Variants in GLIS1 observed in about 807,000 individuals in gnomAD.
GLIS1 encodes the protein GLIS family zinc finger 1, also known as zinc finger protein GLIS1.
In GLIS1, 24 loss-of-function variants were observed where a neutral mutation model predicts 63.8. That is an observed-to-expected ratio of 0.38 (90% CI 0.27 to 0.53). The LOEUF is 0.53. Among genes scored for constraint, GLIS1 ranks in the 20% least tolerant of loss-of-function variants. The pLI, the probability that GLIS1 is intolerant of heterozygous loss-of-function variation, is 0.85. For synonymous variants in GLIS1, 450 were observed against 482.5 expected, an observed-to-expected ratio of 0.93 and a Z score of 0.88; for missense variants, 1,036 against 1,074.1, an observed-to-expected ratio of 0.96 and a Z score of 0.50.
chr1:53,706,425 G>A (rs532591062), intron 2 of GLIS1, among the ~76,000 whole-genome samples: 3 of 152,164 alleles, frequency 2.0e-5, no homozygotes, highest in Admixed American at 6.5e-5. Flanking sequence ...GAGGAAGAGG[G>A]GCTCTTTCTG....
At chr1:53,524,933 C>G (rs368487306) in intron 5 of GLIS1, 46 bp from the exon 6 acceptor site, 1 of 1,403,260 alleles carries the variant, frequency 7.1e-7, no homozygotes, top group Non-Finnish European at 1.0e-6. Flanking sequence ...CCCATCCCTA[C>G]GGGACACGCG....
chr1:53,643,540 G>A (rs563039374), intron 2 of GLIS1, among the ~76,000 whole-genome samples: 1 of 152,312 alleles, frequency 6.6e-6, no homozygotes, highest in East Asian at 1.9e-4. Flanking sequence ...ATGACCATGG[G>A]GAGGGAGCAA....
chr1:53,711,607 G>A (rs1326963945), intron 2 of GLIS1, among the ~76,000 whole-genome samples: 1 of 152,118 alleles, frequency 6.6e-6, no homozygotes, highest in East Asian at 1.9e-4. Flanking sequence ...TAGTCCTTAT[G>A]CAAGTGACTT....
intron 2 of GLIS1, among the ~76,000 whole-genome samples, chr1:53,628,571 G>C (rs1569946073): frequency 6.6e-6 from 1 of 152,248 alleles, no homozygotes; most frequent in Non-Finnish European, 1.5e-5. Context: ...AGGCGGGAGA[G>C]ACAATTATTC....
Position 53,506,636 on chromosome 1 carries a change from T to C in GLIS1, c.2371A>G (p.Ile791Val). 6.2e-7 allele frequency: 1 copy of C among 1,612,752 alleles called. No homozygotes were observed. ...FDHCLGHIPS[I>V]YTDT ...GGGCTCCTTCAGGTGTCTGTGTAGA[T>C]GGAGGGGATGTGGCCCAGGCAGTGG... is the stretch of plus-strand genomic sequence containing the variant. Residue 791 changes from isoleucine to valine, a missense_variant, in exon 11 of 11, where the codon ATC becomes GTC. Coordinates refer to ENST00000628545, the MANE Select transcript of GLIS1 (RefSeq NM_001367484.1).
Position 53,646,330 on chromosome 1 carries a change from C to T in GLIS1, c.260-46052G>A, listed in dbSNP as rs560562140. 6.6e-6 allele frequency among the ~76,000 whole-genome samples: 1 copy of T among 152,212 alleles called. No homozygotes were observed. Among genetic ancestry groups the T allele is most frequent in the African/African-American group, 2.4e-5 (1 of 41,542 alleles). ...AAATCAAAAAGAATCTAAAAACAAA[C>T]TAGACCATTAAAAAGTTAATTTGAC... On this transcript the variant is annotated intron_variant, in intron 2 of 10. Coordinates refer to ENST00000628545, the MANE Select transcript of GLIS1 (RefSeq NM_001367484.1). This position sits in a 1 kb window ranked among gnomAD's most constrained non-coding sequence, Gnocchi z 4.2.
rs116588170 is a variant in GLIS1, at chr1:53,654,972, C to T, written c.260-54694G>A. Among the ~76,000 whole-genome samples, 553 of 152,298 alleles carry T rather than the reference C, an allele frequency of 3.6e-3. 4 individuals are homozygous for T. Among genetic ancestry groups the T allele is most frequent in the African/African-American group, 0.013 (539 of 41,550 alleles). Reference sequence around the variant, plus strand: ...GTAAAATGGTAGAAACATCAGCTTGCTTACATGGGGATGGGGATGACTCAA... The same window carrying T: ...GTAAAATGGTAGAAACATCAGCTTGTTTACATGGGGATGGGGATGACTCAA... On this transcript the variant is annotated intron_variant, in intron 2 of 10. Transcript: ENST00000628545.
rs553923968 is a variant in GLIS1, at chr1:53,511,515, G to A, written c.1884-1488C>T. ...GTGGGGCCCCCGTCACTGTGAGCTC[G>A]CTGAGGACAGGGGAAGCAGGGCCTC... On this transcript the variant is annotated intron_variant, in intron 8 of 10. Coordinates refer to ENST00000628545, the MANE Select transcript of GLIS1 (RefSeq NM_001367484.1). This position sits in a 1 kb window ranked among gnomAD's most constrained non-coding sequence, Gnocchi z 4.2. 2.0e-4 allele frequency among the ~76,000 whole-genome samples: 31 copies of A among 152,290 alleles called. No homozygotes were observed. The highest frequency in any genetic ancestry group is 1.9e-3 in the Admixed American group (29 of 15,308).
chr1:53,725,685 G>C (rs1322890758), intron 2 of GLIS1, among the ~76,000 whole-genome samples: 1 of 152,212 alleles, frequency 6.6e-6, no homozygotes, highest in African/African-American at 2.4e-5. Flanking sequence ...AGCACAGCGG[G>C]CATCCGATAA....
chr1:53,544,923 A>G (rs548545982), intron 4 of GLIS1, among the ~76,000 whole-genome samples: 1 of 151,980 alleles, frequency 6.6e-6, no homozygotes, highest in South Asian at 2.1e-4. Flanking sequence ...TACTGGCCAA[A>G]CCTCCAAGGA....
intron 2 of GLIS1, among the ~76,000 whole-genome samples, chr1:53,632,800 AGG>A (rs1294255211): frequency 1.6e-5 from 2 of 122,718 alleles, no homozygotes. Flanking sequence ...CTGAGGAGAA[AGG>A]GGGAGTGAGA....
At chr1:53,553,614 G>A (rs754575864) in intron 4 of GLIS1, among the ~76,000 whole-genome samples, 4 of 152,208 alleles carry the variant, frequency 2.6e-5, no homozygotes, top group Non-Finnish European at 5.9e-5. Context: ...AGGAAAAAAC[G>A]CCTGACCTTG....
chr1:53,640,399 G>A (rs545741541), intron 2 of GLIS1, among the ~76,000 whole-genome samples: 1 of 152,326 alleles, frequency 6.6e-6, no homozygotes, highest in South Asian at 2.1e-4. Flanking sequence ...TTAAAAGCAG[G>A]CAAGTGACTC....
chr1:53,674,850 C>T (rs2100408005), intron 2 of GLIS1, among the ~76,000 whole-genome samples: 1 of 152,288 alleles, frequency 6.6e-6, no homozygotes, highest in South Asian at 2.1e-4. Flanking sequence ...GAAACTGAGG[C>T]TGAGAGAGGC....
intron 7 of GLIS1, among the ~76,000 whole-genome samples, chr1:53,516,381 C>T (rs914037026): frequency 2.6e-5 from 4 of 152,154 alleles, no homozygotes; most frequent in East Asian, 1.9e-4. Flanking sequence ...TGCAGGGAAC[C>T]GAGCAGGGCT....
At chr1:53,728,011 T>C (rs1049365762) in intron 2 of GLIS1, among the ~76,000 whole-genome samples, 1 of 152,206 alleles carries the variant, frequency 6.6e-6, no homozygotes, top group Non-Finnish European at 1.5e-5. Context: ...GGCTACAGGC[T>C]CCTTGAGACT....
chr1:53,532,995 C>T (rs1241900297), intron 4 of GLIS1, among the ~76,000 whole-genome samples: 1 of 152,258 alleles, frequency 6.6e-6, no homozygotes, highest in Non-Finnish European at 1.5e-5. Flanking sequence ...ACTGCCTCTC[C>T]CATGCAGACG....
intron 5 of GLIS1, among the ~76,000 whole-genome samples, chr1:53,528,255 T>C (rs911173795): frequency 9.2e-5 from 14 of 152,310 alleles, no homozygotes; most frequent in African/African-American, 3.4e-4. Context: ...GGAGGACTGT[T>C]GGGTTCAGGT....
intron 2 of GLIS1, among the ~76,000 whole-genome samples, chr1:53,714,066 G>C (rs927367292): frequency 1.6e-4 from 24 of 152,282 alleles, no homozygotes; most frequent in African/African-American, 5.8e-4. Flanking sequence ...AAATTACTAA[G>C]TGAAGAAAGA....
Sources: allele counts gnomAD v4.1 joint callset (sites outside exome capture counted in the v4.1 genomes callset), GRCh38; gene constraint gnomAD v4.1.1; non-coding constraint Gnocchi (gnomAD v3.1); transcripts MANE v1.5; gene names NCBI Gene and HGNC (gene_info 2026-07-23, HGNC 2026-07-21).